Variants in CRADD observed in about 807,000 individuals in gnomAD.
CRADD encodes CARD and death domain containing adaptor protein.
A neutral mutation model predicts 15.5 loss-of-function variants in CRADD; 9 were observed. The observed-to-expected ratio is 0.58, with a 90% CI of 0.35 to 1.01. The LOEUF (loss-of-function observed/expected upper bound fraction) is 1.01. Ranked by LOEUF, CRADD falls within the 50% of genes least tolerant of loss-of-function variation. CRADD has a pLI of 0.02. For synonymous variants in CRADD, 118 were observed against 107.6 expected, an observed-to-expected ratio of 1.10 and a Z score of -0.60; for missense variants, 227 against 250.3, an observed-to-expected ratio of 0.91 and a Z score of 0.63.
intron 2 of CRADD, among the ~76,000 whole-genome samples, chr12:93,722,754 C>T (rs1956287237): frequency 2.0e-5 from 3 of 152,132 alleles, no homozygotes; most frequent in Admixed American, 1.3e-4. Flanking sequence ...GAGCCCTTAA[C>T]AAATTAACCA....
At chr12:93,680,954 G>C (rs948177843) in intron 2 of CRADD, among the ~76,000 whole-genome samples, 1 of 151,642 alleles carries the variant, frequency 6.6e-6, no homozygotes, top group Non-Finnish European at 1.5e-5. Context: ...GCGCGATCTC[G>C]GCTCTCTGCA....
chr12:93,882,667 C>G (rs1958511053), intron 2 of CRADD, among the ~76,000 whole-genome samples: 2 of 152,078 alleles, frequency 1.3e-5, no homozygotes, highest in African/African-American at 4.8e-5. Context: ...ATAAATGTGG[C>G]CTCTTTCTGA....
chr12:93,789,487 A>G (rs574106063), intron 2 of CRADD, among the ~76,000 whole-genome samples: 1 of 152,336 alleles, frequency 6.6e-6, no homozygotes, highest in East Asian at 1.9e-4. Flanking sequence ...ATGTAAAACA[A>G]TAATGTTCAG....
At chr12:93,749,522 T>TCA (rs1956807029) in intron 2 of CRADD, among the ~76,000 whole-genome samples, 1 of 151,282 alleles carries the variant, frequency 6.6e-6, no homozygotes. Flanking sequence ...AGTGCTGGGC[T>TCA]TCTTCAGTGA....
chr12:93,814,410 C>T lies in CRADD; in HGVS notation c.299-35560C>T, dbSNP rs188028573. ...AAGTTCATGTTCCCCCCAGAGTACACAAGGTTCAAGTGGGATTACCCAGTG... is the reference window on the plus strand; with the variant it reads ...AAGTTCATGTTCCCCCCAGAGTACATAAGGTTCAAGTGGGATTACCCAGTG... On this transcript the variant is annotated intron_variant, in intron 2 of 2. Transcript: ENST00000332896. 2.0e-5 allele frequency among the ~76,000 whole-genome samples: 3 copies of T among 152,270 alleles called. No individual in the cohort carries two copies. In the East Asian group the frequency reaches 5.8e-4, roughly 29 times the overall value.
intron 2 of CRADD, among the ~76,000 whole-genome samples, chr12:93,792,886 A>G (rs1957366171): frequency 6.6e-6 from 1 of 152,210 alleles, no homozygotes; most frequent in African/African-American, 2.4e-5. Context: ...CCATAAAATT[A>G]AAGTTTCCCC....
chr12:93,855,997 G>A (rs557876677), intron 2 of CRADD, among the ~76,000 whole-genome samples: 2 of 152,088 alleles, frequency 1.3e-5, no homozygotes, highest in African/African-American at 4.8e-5. Context: ...TAGTAGAGAC[G>A]GGGTTTCGCC....
intron 2 of CRADD, chr12:93,859,508 A>T (rs984181652): frequency 5.3e-6 from 2 of 377,600 alleles, no homozygotes; most frequent in African/African-American, 2.1e-5. Context: ...TGGACAATTA[A>T]GGATATGATT....
chr12:93,697,156 G>A (rs1955727975), intron 2 of CRADD, among the ~76,000 whole-genome samples: 1 of 152,176 alleles, frequency 6.6e-6, no homozygotes, highest in Non-Finnish European at 1.5e-5. Context: ...TGGTCCCAAT[G>A]TCTCCCAGAA....
intron 2 of CRADD, among the ~76,000 whole-genome samples, chr12:93,795,796 G>A (rs1415579274): frequency 6.6e-6 from 1 of 152,148 alleles, no homozygotes; most frequent in Admixed American, 6.5e-5. Flanking sequence ...ATAACGAAAA[G>A]CTATACCCAA....
At chr12:93,863,660 A>G (rs1259697000) in intron 2 of CRADD, among the ~76,000 whole-genome samples, 2 of 145,038 alleles carry the variant, frequency 1.4e-5, no homozygotes, top group Non-Finnish European at 3.0e-5. Context: ...GTCATCATAC[A>G]TTGGCGGGGG....
intron 2 of CRADD, among the ~76,000 whole-genome samples, chr12:93,860,981 T>A (rs972687752): frequency 2.0e-5 from 3 of 152,224 alleles, no homozygotes. Flanking sequence ...TGTGGTCTGG[T>A]GCTGCCCGAT....
chr12:93,850,974 T>C (rs575549366), downstream of CRADD, among the ~76,000 whole-genome samples: 1 of 152,284 alleles, frequency 6.6e-6, no homozygotes, highest in South Asian at 2.1e-4. The surrounding 1 kb of genome is among the most constrained non-coding windows in gnomAD (Gnocchi z 4.0). Flanking sequence ...AGGACCAGCA[T>C]GCATACCCGA....
At chr12:93,757,271 T>C (rs1956901694) in intron 2 of CRADD, among the ~76,000 whole-genome samples, 1 of 152,210 alleles carries the variant, frequency 6.6e-6, no homozygotes, top group Non-Finnish European at 1.5e-5. Flanking sequence ...ATTTTTTGAA[T>C]TCTCATGCCT....
At position 93,679,022 on chromosome 12, in the gene CRADD, G is replaced by A. The variant is rs1203169106; in HGVS notation, c.248G>A (p.Arg83Lys). The A allele has an allele frequency of 1.2e-6, 2 of 1,614,166 alleles. No individual in the cohort carries two copies. The highest frequency in any genetic ancestry group is 1.7e-5 in the Admixed American group (1 of 60,024). ...LDSLQEFPWV[R>K]EKLKKAREEA... Reference sequence around the variant, plus strand: ...TCCCTACAGGAGTTTCCCTGGGTCAGGGAGAAGCTGAAGAAGGCAAGGGAA... The same window carrying A: ...TCCCTACAGGAGTTTCCCTGGGTCAAGGAGAAGCTGAAGAAGGCAAGGGAA... The change falls in exon 2 of 3, where the codon AGG becomes AAG. Residue 83 changes from arginine to lysine, a missense_variant. Physicochemically the swap from Arg to Lys is conservative, Grantham distance 26 (BLOSUM62 2). Transcript: ENST00000332896.
At chr12:93,700,784 T>A (rs61928985) in intron 2 of CRADD, among the ~76,000 whole-genome samples, 8,606 of 152,216 alleles carry the variant, frequency 0.057, 270 homozygotes, top group African/African-American at 0.076. Flanking sequence ...GATTTTTGTT[T>A]TGCCTGAGTG....
At chr12:93,814,893 A>G (rs1957674078) in intron 2 of CRADD, among the ~76,000 whole-genome samples, 1 of 152,224 alleles carries the variant, frequency 6.6e-6, no homozygotes, top group Non-Finnish European at 1.5e-5. Flanking sequence ...TAGATCTAAT[A>G]TCAATTTTTT....
chr12:93,695,526 T>C (rs1955682845), intron 2 of CRADD, among the ~76,000 whole-genome samples: 1 of 152,126 alleles, frequency 6.6e-6, no homozygotes, highest in African/African-American at 2.4e-5. Flanking sequence ...GAGAAATTAT[T>C]TGCAAACCAT....
At chr12:93,686,737 A>T (rs1483771013) in intron 2 of CRADD, among the ~76,000 whole-genome samples, 2 of 152,246 alleles carry the variant, frequency 1.3e-5, no homozygotes, top group Non-Finnish European at 2.9e-5. Context: ...CAACTTGCCC[A>T]TGATCACACA....
Sources: gnomAD v4.1 joint callset for allele counts (sites outside exome capture counted in the v4.1 genomes callset) on GRCh38, gnomAD v4.1.1 for gene constraint, Gnocchi (gnomAD v3.1) non-coding constraint, MANE v1.5 for transcripts, NCBI Gene and HGNC (gene_info 2026-07-23, HGNC 2026-07-21) for gene names.